The following CAMK1D variants were observed in gnomAD, a reference collection of about 807,000 sequenced individuals.
CAMK1D encodes calcium/calmodulin dependent protein kinase ID, also known as calcium/calmodulin-dependent protein kinase type 1D.
CAMK1D carries 9 observed loss-of-function variants against 47.7 expected under a neutral mutation model. The ratio of observed to expected loss-of-function variants is 0.19; its 90% CI spans 0.11 to 0.33. The LOEUF is 0.33. Ranked by LOEUF, CAMK1D falls within the 10% of genes least tolerant of loss-of-function variation. CAMK1D has a pLI of 1.00. For missense variants in CAMK1D, 291 were observed against 488.7 expected, an observed-to-expected ratio of 0.60 and a Z score of 3.81; for synonymous variants, 184 against 184.9, an observed-to-expected ratio of 0.99 and a Z score of 0.04.
chr10:12,546,267 G>A (rs1381104623), intron 1 of CAMK1D, among the ~76,000 whole-genome samples: 1 of 151,888 alleles, frequency 6.6e-6, no homozygotes. Context: ...GAGAGAAGGA[G>A]GACATGAACC....
At position 12,764,724 on chromosome 10, in the gene CAMK1D, T is replaced by C. The variant is rs1331898206; in HGVS notation, c.438+3638T>C. Reference sequence around the variant, plus strand: ...GAGAAAACATGAACCATGTGGTCTTTATGATTCGAGCATTCCCGCCCCTTT... The same window carrying C: ...GAGAAAACATGAACCATGTGGTCTTCATGATTCGAGCATTCCCGCCCCTTT... On this transcript the variant is annotated intron_variant, in intron 4 of 10. Coordinates refer to ENST00000619168, the MANE Select transcript of CAMK1D (RefSeq NM_153498.4). 3.3e-5 allele frequency among the ~76,000 whole-genome samples: 5 copies of C among 152,250 alleles called. 1 individual carries two copies. Among genetic ancestry groups the C allele is most frequent in the African/African-American group, 7.2e-5 (3 of 41,470 alleles).
At chr10:12,788,447 A>C (rs957310588) in intron 5 of CAMK1D, among the ~76,000 whole-genome samples, 2 of 152,032 alleles carry the variant, frequency 1.3e-5, no homozygotes, top group Non-Finnish European at 2.9e-5. Flanking sequence ...TAGCGCCTCC[A>C]CCCCCTAACT....
intron 3 of CAMK1D, among the ~76,000 whole-genome samples, chr10:12,731,999 T>C (rs1480569681): frequency 6.6e-6 from 1 of 152,088 alleles, no homozygotes; most frequent in African/African-American, 2.4e-5. Flanking sequence ...ATCCCAGCAC[T>C]TTGGGAGGCT....
intron 2 of CAMK1D, among the ~76,000 whole-genome samples, chr10:12,638,958 G>A (rs1161833578): frequency 6.6e-6 from 1 of 152,182 alleles, no homozygotes; most frequent in Non-Finnish European, 1.5e-5. Context: ...CTGGCTTGCT[G>A]TCTTCCTTTC....
At chr10:12,666,660 C>A in intron 2 of CAMK1D, 76 bp from the exon 3 acceptor site, 3 of 1,172,498 alleles carry the variant, frequency 2.6e-6, no homozygotes, top group Non-Finnish European at 2.5e-6. Flanking sequence ...TAACTTTTTG[C>A]TACAATGCTG....
intron 2 of CAMK1D, among the ~76,000 whole-genome samples, chr10:12,586,340 T>C (rs1161487803): frequency 6.6e-6 from 1 of 151,634 alleles, no homozygotes; most frequent in Non-Finnish European, 1.5e-5. Context: ...TCCCAGATAC[T>C]TGGGCGGCTG....
chr10:12,489,955 A>G (rs965078345), intron 1 of CAMK1D, among the ~76,000 whole-genome samples: 31 of 152,058 alleles, frequency 2.0e-4, no homozygotes, highest in African/African-American at 7.2e-4. Context: ...GCTGGATGTG[A>G]TGTTCCCTGG....
chr10:12,647,685 C>T (rs1257775353), intron 2 of CAMK1D, among the ~76,000 whole-genome samples: 5 of 152,144 alleles, frequency 3.3e-5, no homozygotes, highest in African/African-American at 9.7e-5. Flanking sequence ...GAGATTCTGT[C>T]CTGGCCATGA....
chr10:12,626,766 C>T (rs755429871), intron 2 of CAMK1D, among the ~76,000 whole-genome samples: 2 of 152,112 alleles, frequency 1.3e-5, no homozygotes, highest in African/African-American at 2.4e-5. Flanking sequence ...TGAGCCACTG[C>T]ACCCAGCCTA....
intron 1 of CAMK1D, among the ~76,000 whole-genome samples, chr10:12,508,564 C>T (rs78279478): frequency 1.6e-3 from 246 of 152,246 alleles, no homozygotes; most frequent in African/African-American, 5.7e-3. Flanking sequence ...TGGAGGTGGA[C>T]GGCGGTGATG....
chr10:12,640,830 G>C (rs1343580933), intron 2 of CAMK1D, among the ~76,000 whole-genome samples: 2 of 152,186 alleles, frequency 1.3e-5, no homozygotes, highest in African/African-American at 2.4e-5. Flanking sequence ...TTTTCAGTGT[G>C]TGGAAACAGG....
intron 1 of CAMK1D, among the ~76,000 whole-genome samples, chr10:12,552,887 G>A (rs976186159): frequency 6.6e-6 from 1 of 152,168 alleles, no homozygotes; most frequent in Non-Finnish European, 1.5e-5. Context: ...AATTACAGGT[G>A]CGTGCCACCA....
chr10:12,421,005 G>A (rs1840030997), intron 1 of CAMK1D, among the ~76,000 whole-genome samples: 1 of 152,142 alleles, frequency 6.6e-6, no homozygotes, highest in Non-Finnish European at 1.5e-5. Context: ...CCTTCTTGCT[G>A]GTTTGAACAG....
At chr10:12,365,604 A>G (rs185348770) in intron 1 of CAMK1D, among the ~76,000 whole-genome samples, 2,508 of 151,714 alleles carry the variant, frequency 0.017, 52 homozygotes, top group African/African-American at 0.045. Flanking sequence ...ATGCCCGGCT[A>G]ATTTTTTGTA....
intron 1 of CAMK1D, among the ~76,000 whole-genome samples, chr10:12,527,053 C>A (rs1436615886): frequency 6.6e-6 from 1 of 152,076 alleles, no homozygotes; most frequent in Admixed American, 6.6e-5. Flanking sequence ...ATCTCCCTTA[C>A]ACTCTGTAGA....
chr10:12,681,272 T>C (rs1294146087), intron 3 of CAMK1D, among the ~76,000 whole-genome samples: 1 of 152,224 alleles, frequency 6.6e-6, no homozygotes, highest in African/African-American at 2.4e-5. Context: ...ATTTCTTATT[T>C]TGATGCTTGT....
intron 1 of CAMK1D, among the ~76,000 whole-genome samples, chr10:12,413,072 G>A (rs915622543): frequency 1.2e-4 from 18 of 152,150 alleles, no homozygotes; most frequent in Admixed American, 6.5e-5. Flanking sequence ...AAATACCTGA[G>A]ACTGGGTAAT....
At chr10:12,362,743 C>G (rs1163822116) in intron 1 of CAMK1D, among the ~76,000 whole-genome samples, 1 of 152,178 alleles carries the variant, frequency 6.6e-6, no homozygotes, top group Non-Finnish European at 1.5e-5. Flanking sequence ...ATCTCCTGAC[C>G]TCCTGATCTG....
At chr10:12,496,610 GC>G (rs1176650956) in intron 1 of CAMK1D, among the ~76,000 whole-genome samples, 1 of 152,320 alleles carries the variant, frequency 6.6e-6, no homozygotes, top group African/African-American at 2.4e-5. Flanking sequence ...GAGACCTTAT[GC>G]CCTAGAAGAG....
Sources: allele counts gnomAD v4.1 joint callset (sites outside exome capture counted in the v4.1 genomes callset), GRCh38; gene constraint gnomAD v4.1.1; transcripts MANE v1.5; gene names NCBI Gene and HGNC (gene_info 2026-07-23, HGNC 2026-07-21).